NTNG1: variants seen among roughly 807,000 people sequenced by gnomAD.
NTNG1 encodes netrin G1.
A neutral mutation model predicts 54.0 loss-of-function variants in NTNG1; 16 were observed. The ratio of observed to expected loss-of-function variants is 0.30; its 90% CI spans 0.20 to 0.45. The LOEUF (loss-of-function observed/expected upper bound fraction) is 0.45, where lower values mean the gene tolerates loss of function less well. Among genes scored for constraint, NTNG1 ranks in the 20% least tolerant of loss-of-function variants. NTNG1 has a pLI of 1.00. For missense variants in NTNG1, 530 were observed against 678.7 expected, an observed-to-expected ratio of 0.78 and a Z score of 2.43; for synonymous variants, 255 against 263.1, an observed-to-expected ratio of 0.97 and a Z score of 0.30.
chr1:107,173,117 C>T (rs967884766), intron 2 of NTNG1, among the ~76,000 whole-genome samples: 2 of 152,018 alleles, frequency 1.3e-5, no homozygotes, highest in African/African-American at 4.8e-5. Flanking sequence ...CACTTCCAGG[C>T]CATTATATGA....
At chr1:107,329,997 G>A (rs567976706) in intron 3 of NTNG1, among the ~76,000 whole-genome samples, 1 of 152,200 alleles carries the variant, frequency 6.6e-6, no homozygotes, top group South Asian at 2.1e-4. Flanking sequence ...ATGTAATCTG[G>A]AAAGATTAGT....
chr1:107,271,851 A>G (rs192223637), intron 2 of NTNG1, among the ~76,000 whole-genome samples: 1 of 152,320 alleles, frequency 6.6e-6, no homozygotes, highest in Non-Finnish European at 1.5e-5. Context: ...TTCAAAATCT[A>G]GGGCATACAC....
chr1:107,223,676 A>G (rs1039684905), intron 2 of NTNG1, among the ~76,000 whole-genome samples: 2 of 152,114 alleles, frequency 1.3e-5, no homozygotes, highest in Admixed American at 6.5e-5. Flanking sequence ...GTTTCATAAC[A>G]AAAAATAAAC....
At position 107,405,192 on chromosome 1, in the gene NTNG1, TTAAAA is replaced by T. The variant is rs3064122; in HGVS notation, c.1061-2486_1061-2482del. On this transcript the variant is annotated intron_variant, in intron 4 of 7. Coordinates refer to ENST00000370068, the MANE Select transcript of NTNG1 (RefSeq NM_001113226.3). ...GAACCACAAACAAGGTATTTGGACATTAAAATAAGAAGCATTAGAAAAAAATAATG... is the reference window on the plus strand; with the variant it reads ...GAACCACAAACAAGGTATTTGGACATTAAGAAGCATTAGAAAAAAATAATG... Among the ~76,000 whole-genome samples, 1,315 of 152,294 alleles carry T rather than the reference TTAAAA, an allele frequency of 8.6e-3. 15 individuals carry two copies. Among genetic ancestry groups the T allele is most frequent in the African/African-American group, 0.025 (1,058 of 41,558 alleles).
chr1:107,222,019 A>G (rs755583158), intron 2 of NTNG1, among the ~76,000 whole-genome samples: 29 of 151,574 alleles, frequency 1.9e-4, no homozygotes, highest in Non-Finnish European at 3.7e-4. Flanking sequence ...TTGCTGATCA[A>G]ACCCTCTTGT....
At chr1:107,208,779 G>A (rs1196704011) in intron 2 of NTNG1, among the ~76,000 whole-genome samples, 4 of 152,100 alleles carry the variant, frequency 2.6e-5, no homozygotes, top group Non-Finnish European at 5.9e-5. Context: ...TCTCAGGAGA[G>A]TGGTCTTTTG....
intron 2 of NTNG1, among the ~76,000 whole-genome samples, chr1:107,302,800 T>C (rs1666406530): frequency 6.6e-6 from 1 of 152,190 alleles, no homozygotes; most frequent in African/African-American, 2.4e-5. Flanking sequence ...AGACCACAGA[T>C]GACTTACAGA....
intron 2 of NTNG1, among the ~76,000 whole-genome samples, chr1:107,230,974 G>A (rs1661028189): frequency 6.6e-6 from 1 of 152,154 alleles, no homozygotes; most frequent in African/African-American, 2.4e-5. Context: ...ATGAATAAAG[G>A]AAGTATTGTG....
At chr1:107,279,219 G>T (rs1207054161) in intron 2 of NTNG1, among the ~76,000 whole-genome samples, 2 of 151,772 alleles carry the variant, frequency 1.3e-5, no homozygotes, top group Non-Finnish European at 2.9e-5. Flanking sequence ...TTATTTTTTG[G>T]CTCATATCTA....
intron 5 of NTNG1, among the ~76,000 whole-genome samples, chr1:107,420,614 G>C (rs765129853): frequency 1.3e-5 from 2 of 151,978 alleles, no homozygotes; most frequent in Non-Finnish European, 2.9e-5. Flanking sequence ...GCTGCTGAAT[G>C]GCTGACTATT....
chr1:107,337,174 G>A (rs1339305842), intron 3 of NTNG1, among the ~76,000 whole-genome samples: 1 of 152,006 alleles, frequency 6.6e-6, no homozygotes, highest in African/African-American at 2.4e-5. Flanking sequence ...GTTCATAGCA[G>A]CATGGTTTGC....
intron 7 of NTNG1, among the ~76,000 whole-genome samples, chr1:107,466,361 A>G (rs1408729710): frequency 6.6e-6 from 1 of 152,238 alleles, no homozygotes; most frequent in African/African-American, 2.4e-5. Context: ...TCATTTATTC[A>G]TTCACTCAAA....
chr1:107,241,864 G>A (rs891293261), intron 2 of NTNG1, among the ~76,000 whole-genome samples: 2 of 151,970 alleles, frequency 1.3e-5, no homozygotes, highest in Admixed American at 6.6e-5. Flanking sequence ...TTAACTTCTC[G>A]AGAAAAAAAA....
intron 2 of NTNG1, among the ~76,000 whole-genome samples, chr1:107,290,992 C>CACACAT (rs1665567726): frequency 6.9e-6 from 1 of 144,008 alleles, no homozygotes; most frequent in African/African-American, 2.7e-5. Context: ...TATACACACA[C>CACACAT]ACATACATAC....
intron 2 of NTNG1, among the ~76,000 whole-genome samples, chr1:107,242,633 C>T (rs540863376): frequency 6.6e-6 from 1 of 152,238 alleles, no homozygotes; most frequent in Admixed American, 6.5e-5. Context: ...TCACTGTCAT[C>T]CTAACCTTGT....
At chr1:107,367,039 C>G (rs1474844990) in intron 3 of NTNG1, among the ~76,000 whole-genome samples, 1 of 151,136 alleles carries the variant, frequency 6.6e-6, no homozygotes, top group Admixed American at 6.6e-5. Context: ...AGTGCTGCTA[C>G]AAAGGAACAA....
chr1:107,436,672 T>A lies in NTNG1; in HGVS notation c.1263T>A (p.Tyr421Ter). ...LDDENVCIECYCNPLGSIHDR... is the reference protein window; with the variant it reads ...LDDENVCIEC Reference sequence around the variant, plus strand: ...GTTGTCTTGTTTCTACAGAGTGTTATTGTAACCCTTTGGGCTCAATCCATG... The same window carrying A: ...GTTGTCTTGTTTCTACAGAGTGTTAATGTAACCCTTTGGGCTCAATCCATG... Residue 421 changes from tyrosine to a stop codon, truncating the protein, a stop_gained, in exon 7 of 8, where the codon TAT becomes TAA. Coordinates refer to ENST00000370068, the MANE Select transcript of NTNG1 (RefSeq NM_001113226.3). LOFTEE classifies it high-confidence loss of function. 1 of 1,613,472 alleles carries A rather than the reference T, an allele frequency of 6.2e-7. No homozygotes were observed. Among genetic ancestry groups the A allele is most frequent in the East Asian group, 2.2e-5 (1 of 44,818 alleles).
At position 107,153,928 on chromosome 1, in the gene NTNG1, A is replaced by G. The variant is rs189618304; in HGVS notation, c.246+5089A>G. ...GGCAAATGTAACAAAACCTAAAACC[A>G]CCTCATGTCATTTATTGTCCCAGAT... On this transcript the variant is annotated intron_variant, in intron 2 of 7. Coordinates refer to ENST00000370068, the MANE Select transcript of NTNG1 (RefSeq NM_001113226.3). 1.9e-3 allele frequency among the ~76,000 whole-genome samples: 284 copies of G among 152,256 alleles called. 1 individual carries two copies. The highest frequency in any genetic ancestry group is 8.5e-3 in the South Asian group (41 of 4,830).
At chr1:107,436,935 G>T (rs1026903166) in intron 7 of NTNG1, 136 bp downstream of exon 7, 2 of 736,834 alleles carry the variant, frequency 2.7e-6, no homozygotes, top group African/African-American at 2.1e-5. Context: ...TTAATGCTGC[G>T]GCCAATGTAT....
Sources: allele counts gnomAD v4.1 joint callset (sites outside exome capture counted in the v4.1 genomes callset), GRCh38; gene constraint gnomAD v4.1.1; transcripts MANE v1.5; gene names NCBI Gene and HGNC (gene_info 2026-07-23, HGNC 2026-07-21).